The following ARAP3 variants were observed in gnomAD, a reference collection of about 807,000 sequenced individuals.
The protein encoded by ARAP3 is ArfGAP with RhoGAP domain, ankyrin repeat and PH domain 3.
A neutral mutation model predicts 169.2 loss-of-function variants in ARAP3; 82 were observed. That is an observed-to-expected ratio of 0.48 (90% confidence interval 0.41 to 0.58). ARAP3 has a LOEUF of 0.58. Ranked by LOEUF, ARAP3 falls within the 20% of genes least tolerant of loss-of-function variation. ARAP3 has a pLI of 0.00. For synonymous variants in ARAP3, 791 were observed against 800.3 expected (o/e 0.99, Z 0.20); for missense variants, 1,764 against 2,018.0 (o/e 0.87, Z 2.41).
chr5:141,673,734 A>C lies in ARAP3; in HGVS notation c.773T>G (p.Leu258Arg). Residue 258 changes from leucine (L) to arginine (R), a missense_variant, in exon 5 of 33, where the codon CTC becomes CGC. Physicochemically the swap from Leu to Arg is moderately radical, Grantham distance 102 (BLOSUM62 -2). Coordinates refer to ENST00000239440, the MANE Select transcript of ARAP3 (RefSeq NM_022481.6). ...CTCTGTTTCCAGGGTGGGCGATAAG[A>C]GGGTGGAGTCTCCAGGTAGCTCAAG... ...ASLELPGDSTLLSPTLETEET... is the reference protein window; with the variant it reads ...ASLELPGDSTRLSPTLETEET... 6.2e-7 allele frequency: 1 copy of C among 1,614,180 alleles called. No individual in the cohort carries two copies. Among genetic ancestry groups the C allele is most frequent in the South Asian group, 1.1e-5 (1 of 91,088 alleles).
chr5:141,667,526 C>T (rs559018304), intron 16 of ARAP3, among the ~76,000 whole-genome samples: 57 of 151,134 alleles, frequency 3.8e-4, no homozygotes, highest in South Asian at 8.4e-4. Context: ...CTCTGCCTCC[C>T]GGGTTCAAGA....
Position 141,664,945 on chromosome 5 carries a change from C to G in ARAP3, c.2777G>C (p.Cys926Ser). Residue 926 changes from cysteine to serine, a missense_variant, in exon 19 of 33, where the codon TGC (cysteine) becomes TCC (serine). Coordinates refer to ENST00000239440, the MANE Select transcript of ARAP3 (RefSeq NM_022481.6). ...RGDIPIIVDA[C>S]ISFVTQHGLR... is the part of the protein sequence containing the mutation. ...ACCATGCTGGGTAACAAAACTGATG[C>G]AGGCATCCACGATGATGGGGATGTC... is the stretch of plus-strand genomic sequence containing the variant. 6.2e-7 allele frequency: 1 copy of G among 1,605,770 alleles called. No individual in the cohort carries two copies. Among genetic ancestry groups the G allele is most frequent in the Non-Finnish European group, 8.5e-7 (1 of 1,176,650 alleles).
At position 141,655,416 on chromosome 5, in the gene ARAP3, G is replaced by A. The variant is rs765773102; in HGVS notation, c.4111-16C>T. On this transcript the variant is annotated splice_polypyrimidine_tract_variant and intron_variant, in intron 31 of 32. Transcript: ENST00000239440. ...GTAGTCGCCGCTGGACACAGGTGGGGTGGGGACAAGGGGAAGGAAAGACAT... is the reference window on the plus strand; with the variant it reads ...GTAGTCGCCGCTGGACACAGGTGGGATGGGGACAAGGGGAAGGAAAGACAT... The A allele has an allele frequency of 4.8e-5, 76 of 1,587,398 alleles. No homozygotes were observed. The highest frequency in any genetic ancestry group is 6.3e-5 in the Non-Finnish European group (73 of 1,166,764).
At chr5:141,656,138 G>A in intron 28 of ARAP3, 39 bp from the exon 29 acceptor site, 1 of 1,614,106 alleles carries the variant, frequency 6.2e-7, no homozygotes, top group Non-Finnish European at 8.5e-7. Flanking sequence ...GTCAGAAAGG[G>A]CAGGGGGGTG....
In ARAP3 at chr5:141,654,053, C is replaced by T. The variant is rs2099908874; in HGVS notation, c.4532G>A (p.Ser1511Asn). Reference sequence around the variant, plus strand: ...GCCAGTGGGGCTGGGGGATTGGGGGCTGGATGGCTGGGAAGGACTTCCCAG... The same window carrying T: ...GCCAGTGGGGCTGGGGGATTGGGGGTTGGATGGCTGGGAAGGACTTCCCAG... ...AGLGSPSQPS[S>N]PQSPSPTGLP... is the part of the protein sequence containing the mutation. Residue 1511 changes from serine (S) to asparagine (N), a missense_variant, in exon 33 of 33, where the codon AGC becomes AAC. By Grantham distance (46) the Ser-to-Asn change is conservative (BLOSUM62 1). This residue lies in a region of ARAP3 where 1,112 missense variants were observed against 1,285.7 expected (regional missense o/e 0.86). Coordinates refer to ENST00000239440, the MANE Select transcript of ARAP3 (RefSeq NM_022481.6). The T allele has an allele frequency of 6.2e-7, 1 of 1,602,272 alleles. No individual in the cohort carries two copies. Among genetic ancestry groups the T allele is most frequent in the Non-Finnish European group, 8.5e-7 (1 of 1,173,948 alleles).
Position 141,654,277 on chromosome 5 carries a change from C to T in ARAP3, c.4308G>A (p.Glu1436=). The T allele has an allele frequency of 6.2e-7, 1 of 1,614,150 alleles. No homozygotes were observed. Among genetic ancestry groups the T allele is most frequent in the African/African-American group, 1.3e-5 (1 of 75,020 alleles). ...ATGACTTCTGGCTGGTGAGGGGGTT[C>T]TCTGGCTTCACTGTCCACTCCCGTG... ...STTREWTVKP[E]NPLTSQKSLD... is the part of the protein sequence containing the mutation. The change falls in exon 33 of 33, where the codon GAG becomes GAA. Residue 1436 remains glutamate (E), a synonymous_variant. Transcript: ENST00000239440.
intron 25 of ARAP3, among the ~76,000 whole-genome samples, 192 bp from the exon 26 acceptor site, chr5:141,657,038 G>A (rs912034659): frequency 1.2e-4 from 19 of 152,184 alleles, no homozygotes; most frequent in African/African-American, 1.7e-4. Flanking sequence ...CCTTCACAAA[G>A]CACACAGTCT....
chr5:141,675,992 C>A (rs1366827712), intron 4 of ARAP3, among the ~76,000 whole-genome samples: 1 of 152,176 alleles, frequency 6.6e-6, no homozygotes, highest in Non-Finnish European at 1.5e-5. Context: ...ACTCTCCTCT[C>A]CCCTACATAA....
At chr5:141,655,215 C>CACACACACA in intron 32 of ARAP3, 147 bp downstream of exon 32, 6 of 400,252 alleles carry the variant, frequency 1.5e-5, no homozygotes, top group Non-Finnish European at 2.5e-5. Flanking sequence ...ACACACACAC[C>CACACACACA]CTGATGGCCT....
At chr5:141,678,539 C>T (rs1218340906) in intron 4 of ARAP3, among the ~76,000 whole-genome samples, 3 of 152,024 alleles carry the variant, frequency 2.0e-5, no homozygotes, top group African/African-American at 7.2e-5. Flanking sequence ...TGCCCCCAAG[C>T]CCTCTTTTTT....
At position 141,672,955 on chromosome 5, in the gene ARAP3, C is replaced by T. The variant is rs773262440; in HGVS notation, c.1094-30G>A. The T allele has an allele frequency of 2.2e-5, 35 of 1,612,124 alleles. No individual in the cohort carries two copies. Among genetic ancestry groups the T allele is most frequent in the Non-Finnish European group, 2.9e-5 (34 of 1,179,038 alleles). On this transcript the variant is annotated intron_variant, in intron 7 of 32. Coordinates refer to ENST00000239440, the MANE Select transcript of ARAP3 (RefSeq NM_022481.6). This position sits in a 1 kb window ranked among gnomAD's most constrained non-coding sequence, Gnocchi z 4.9. The stretch of plus-strand genomic sequence containing the variant: ...TGGGGATGGAGAAGCAGGTCAGTGG[C>T]TGTTGCTCACACAGCCTCCCTCCCT...
chr5:141,658,693 G>C, intron 23 of ARAP3, 40 bp from the exon 24 acceptor site: 2 of 1,538,518 alleles, frequency 1.3e-6, no homozygotes, highest in South Asian at 1.2e-5. Context: ...GCAAAAAAAG[G>C]GTGCAAAAGA....
At chr5:141,658,330 C>A (rs1212061978) in intron 25 of ARAP3, 35 bp downstream of exon 25, 2 of 1,586,112 alleles carry the variant, frequency 1.3e-6, no homozygotes, top group Non-Finnish European at 1.7e-6. Context: ...CACGCATATA[C>A]ACATGCATGA....
In ARAP3 at chr5:141,669,801, A is replaced by C. The variant is rs1377479858; in HGVS notation, c.2260T>G (p.Ser754Ala). ...PTDPGDRFPF[S>A]FELILAGGRI... Reference sequence around the variant, plus strand: ...CCCCCAGCGAGGATGAGCTCAAAGGAAAAGGGGAACCTGGAGAGAAGATGA... The same window carrying C: ...CCCCCAGCGAGGATGAGCTCAAAGGCAAAGGGGAACCTGGAGAGAAGATGA... The change falls in exon 16 of 33, where the codon TCC becomes GCC. Residue 754 changes from serine (S) to alanine (A), a missense_variant. Physicochemically the swap from Ser to Ala is moderately conservative, Grantham distance 99. This residue lies in a region of ARAP3 where 1,112 missense variants were observed against 1,285.7 expected (regional missense o/e 0.86). Transcript: ENST00000239440. 1 of 1,614,084 alleles carries C rather than the reference A, an allele frequency of 6.2e-7. No individual in the cohort carries two copies. Among genetic ancestry groups the C allele is most frequent in the Non-Finnish European group, 8.5e-7 (1 of 1,180,012 alleles).
chr5:141,662,327 C>T (rs1297564992), intron 19 of ARAP3, 72 bp from the exon 20 acceptor site: 1 of 1,478,230 alleles, frequency 6.8e-7, no homozygotes, highest in Non-Finnish European at 9.4e-7. Flanking sequence ...CCATCTGTGG[C>T]CTCCCTATGT....
Position 141,655,586 on chromosome 5 carries a change from C to T in ARAP3, c.4110+35G>A, listed in dbSNP as rs768750584. On this transcript the variant is annotated intron_variant, in intron 31 of 32. Transcript: ENST00000239440. ...CTGCAATGTGACAAGGGCTACACGA[C>T]AGGAATCGGGTTGGGGCAGGGTGGG... 18 of 1,613,434 alleles carry T rather than the reference C, an allele frequency of 1.1e-5. No homozygotes were observed. The South Asian group carries it at 1.9e-4, about 17-fold the overall frequency.
rs1256832041 is a variant in ARAP3, at chr5:141,670,641, G to T, written c.1991-13C>A. On this transcript the variant is annotated splice_polypyrimidine_tract_variant and intron_variant, in intron 13 of 32. Coordinates refer to ENST00000239440, the MANE Select transcript of ARAP3 (RefSeq NM_022481.6). ...CCAGGGGAGGGGTCTGCAAGGGGAA[G>T]GGGAAGTAGTCAGGTCAACCAAGTG... The T allele has an allele frequency of 6.2e-7, 1 of 1,611,332 alleles. No homozygotes were observed. The highest frequency in any genetic ancestry group is 1.7e-4 in the Middle Eastern group (1 of 6,052).
chr5:141,654,588 A>T (rs2099908950), intron 32 of ARAP3, among the ~76,000 whole-genome samples, 153 bp from the exon 33 acceptor site: 1 of 152,226 alleles, frequency 6.6e-6, no homozygotes, highest in Non-Finnish European at 1.5e-5. Flanking sequence ...GGTTACACTG[A>T]GTCAACTGAA....
chr5:141,680,762 G>A (rs2099912853), intron 1 of ARAP3: 2 of 525,324 alleles, frequency 3.8e-6, no homozygotes, highest in South Asian at 5.9e-5. Context: ...GTAAGTCAGT[G>A]CTAGAGTTGG....
Sources: gnomAD v4.1 joint callset for allele counts (sites outside exome capture counted in the v4.1 genomes callset) on GRCh38, gnomAD v4.1.1 for gene constraint, gnomAD v4.1.1 regional missense constraint, Gnocchi (gnomAD v3.1) non-coding constraint, MANE v1.5 for transcripts, NCBI Gene and HGNC (gene_info 2026-07-23, HGNC 2026-07-21) for gene names.